Variants in PTDSS1 observed in about 807,000 individuals in gnomAD.
PTDSS1 encodes phosphatidylserine synthase 1.
PTDSS1 carries 45 observed loss-of-function variants against 70.5 expected under a neutral mutation model. The observed-to-expected ratio is 0.64, with a 90% CI of 0.50 to 0.82. The LOEUF (loss-of-function observed/expected upper bound fraction) is 0.82. PTDSS1 is among the 40% of genes least tolerant of loss of function. The pLI is 0.00. For missense variants in PTDSS1, 417 were observed against 586.1 expected, an observed-to-expected ratio of 0.71 and a Z score of 2.98; for synonymous variants, 188 against 203.8, an observed-to-expected ratio of 0.92 and a Z score of 0.66.
rs1004023054 is a variant in PTDSS1 at position 96,261,920 on chromosome 8, T to C, written c.-121T>C. 80 of 1,082,276 alleles carry C rather than the reference T, an allele frequency of 7.4e-5. No homozygotes were observed. The African/African-American group carries it at 1.2e-3, about 16-fold the overall frequency. The allele number at this position is 1,082,276 out of a possible 1,614,324, so 67.0% of individuals were successfully genotyped here. ...TGTCCTTCCCTCTGCTCCCAGCCTT[T>C]GCTGGGCGCCAGACCCGGCTTTGCC... On this transcript the variant is annotated 5_prime_UTR_variant, in exon 1 of 13. Coordinates refer to ENST00000517309, the MANE Select transcript of PTDSS1 (RefSeq NM_014754.3).
chr8:96,312,630 A>G (rs1811229080), intron 9 of PTDSS1, among the ~76,000 whole-genome samples: 1 of 152,150 alleles, frequency 6.6e-6, no homozygotes, highest in Non-Finnish European at 1.5e-5. Flanking sequence ...AACTCCCGGA[A>G]CAGTGTGATA....
Position 96,305,386 on chromosome 8 carries a change from A to G in PTDSS1, c.895-1058A>G, listed in dbSNP as rs1317720978. 3.9e-5 allele frequency among the ~76,000 whole-genome samples: 6 copies of G among 152,314 alleles called. No individual in the cohort carries two copies. In the East Asian group the frequency reaches 9.6e-4, roughly 24 times the overall value. ...TTGTAATGAACCTGCCAGTCTATGT[A>G]CTGTGTTCTCCTAGCACAGTGACCG... On this transcript the variant is annotated intron_variant, in intron 7 of 12. Transcript: ENST00000517309.
chr8:96,300,343 G>A (rs571868896), intron 6 of PTDSS1, among the ~76,000 whole-genome samples: 3 of 152,074 alleles, frequency 2.0e-5, no homozygotes, highest in Non-Finnish European at 4.4e-5. Flanking sequence ...CACCCTCCCA[G>A]GCAACCGAGA....
intron 2 of PTDSS1, among the ~76,000 whole-genome samples, chr8:96,275,838 C>G (rs908146733): frequency 5.9e-5 from 9 of 152,166 alleles, no homozygotes; most frequent in African/African-American, 1.9e-4. Context: ...TGATCTGCTG[C>G]CTTCTTCTTT....
intron 2 of PTDSS1, among the ~76,000 whole-genome samples, chr8:96,274,532 C>T (rs562887141): frequency 2.0e-5 from 3 of 152,230 alleles, no homozygotes; most frequent in Non-Finnish European, 2.9e-5. Context: ...TCGAGACCAG[C>T]GTGACCAACA....
intron 9 of PTDSS1, among the ~76,000 whole-genome samples, chr8:96,313,561 GGGAGGAA>G (rs1171476478): frequency 6.6e-6 from 1 of 152,196 alleles, no homozygotes; most frequent in Non-Finnish European, 1.5e-5. Flanking sequence ...GCCTGGTCCT[GGGAGGAA>G]GGTGGCCAAG....
chr8:96,333,872 G>A lies in PTDSS1; in HGVS notation c.*306G>A. ...GTAGCTATTCATTCACAGTTGCCAA[G>A]AGCAGCTCCGCGCCTGCTGGATCGT... On this transcript the variant is annotated 3_prime_UTR_variant, in exon 13 of 13. Coordinates refer to ENST00000517309, the MANE Select transcript of PTDSS1 (RefSeq NM_014754.3). 5 of 631,950 alleles carry A rather than the reference G, an allele frequency of 7.9e-6. No homozygotes were observed. Among genetic ancestry groups the A allele is most frequent in the Non-Finnish European group, 1.4e-5 (5 of 350,042 alleles). 39.1% of individuals were successfully genotyped at this position (631,950 alleles called of 1,614,324 possible). A position where few individuals can be genotyped will look rare whatever the true frequency, so the allele number is the denominator to read the frequency against.
At chr8:96,299,330 G>A (rs1167068036) in intron 5 of PTDSS1, among the ~76,000 whole-genome samples, 2 of 152,130 alleles carry the variant, frequency 1.3e-5, no homozygotes, top group African/African-American at 4.8e-5. Flanking sequence ...TTATGACAAT[G>A]CTTTGTTGTC....
At chr8:96,290,652 A>G (rs1168732586) in intron 4 of PTDSS1, among the ~76,000 whole-genome samples, 4 of 151,996 alleles carry the variant, frequency 2.6e-5, no homozygotes, top group African/African-American at 7.2e-5. Flanking sequence ...GTCTTTTGCA[A>G]TTCTAAGGAC....
At chr8:96,266,112 T>TA (rs1475514776) in intron 1 of PTDSS1, among the ~76,000 whole-genome samples, 6 of 152,212 alleles carry the variant, frequency 3.9e-5, no homozygotes, top group Admixed American at 3.3e-4. Context: ...GCCTTTAGTT[T>TA]AAAAAACTCA....
intron 9 of PTDSS1, 92 bp downstream of exon 9, chr8:96,309,714 A>G (rs1811179785): frequency 7.9e-7 from 1 of 1,262,184 alleles, no homozygotes. Context: ...GCCTTTCAGT[A>G]TAATTTTTCT....
chr8:96,334,425 C>A lies in PTDSS1; in HGVS notation c.*859C>A, dbSNP rs1381088282. 6.5e-6 allele frequency: 1 copy of A among 152,674 alleles called. No homozygotes were observed. Among genetic ancestry groups the A allele is most frequent in the Non-Finnish European group, 1.5e-5 (1 of 68,096 alleles). 9.5% of individuals were successfully genotyped at this position (152,674 alleles called of 1,614,324 possible). A position where few individuals can be genotyped will look rare whatever the true frequency, so the allele number is the denominator to read the frequency against. On this transcript the variant is annotated 3_prime_UTR_variant, in exon 13 of 13. Coordinates refer to ENST00000517309, the MANE Select transcript of PTDSS1 (RefSeq NM_014754.3). Reference sequence around the variant, plus strand: ...TGTGTTGCTGACATTGTCACTGAGTCCCATGTGAGGTGCTGGTGAGTATTA... The same window carrying A: ...TGTGTTGCTGACATTGTCACTGAGTACCATGTGAGGTGCTGGTGAGTATTA...
chr8:96,322,295 A>G (rs1017379197), intron 10 of PTDSS1, among the ~76,000 whole-genome samples: 5 of 152,160 alleles, frequency 3.3e-5, no homozygotes, highest in Non-Finnish European at 5.9e-5. Context: ...TTGGTAATTT[A>G]CAGAGAAATT....
chr8:96,292,977 G>GT (rs1321407089), intron 4 of PTDSS1, among the ~76,000 whole-genome samples: 1 of 152,216 alleles, frequency 6.6e-6, no homozygotes, highest in Non-Finnish European at 1.5e-5. Context: ...CCAGAGAGGA[G>GT]TGAAGAGATA....
At chr8:96,300,213 T>C (rs926415334) in intron 6 of PTDSS1, among the ~76,000 whole-genome samples, 4 of 152,136 alleles carry the variant, frequency 2.6e-5, no homozygotes, top group African/African-American at 9.7e-5. Flanking sequence ...TCCCACACCA[T>C]TGCTTGAGTG....
chr8:96,303,452 ACT>A (rs1291453886), intron 6 of PTDSS1, among the ~76,000 whole-genome samples: 1 of 151,500 alleles, frequency 6.6e-6, no homozygotes, highest in Non-Finnish European at 1.5e-5. Flanking sequence ...GGAATTAAAG[ACT>A]CTTTACCAGT....
At chr8:96,333,384 G>C (rs1811545813) in intron 12 of PTDSS1, 73 bp from the exon 13 acceptor site, 1 of 1,355,286 alleles carries the variant, frequency 7.4e-7, no homozygotes, top group East Asian at 2.3e-5. Flanking sequence ...GGCAAGCCTA[G>C]GGCGGTCTGG....
chr8:96,318,964 G>A (rs1336724382), intron 9 of PTDSS1, among the ~76,000 whole-genome samples: 3 of 133,058 alleles, frequency 2.3e-5, no homozygotes, highest in Admixed American at 8.7e-5. Flanking sequence ...AGGCTGGAGT[G>A]CAGTGGTGCC....
intron 7 of PTDSS1, among the ~76,000 whole-genome samples, chr8:96,305,364 T>C (rs750521741): frequency 4.1e-4 from 62 of 152,224 alleles, no homozygotes; most frequent in Non-Finnish European, 6.0e-4. Flanking sequence ...TGTGGAATTG[T>C]AATGAACCTG....
Sources: allele counts gnomAD v4.1 joint callset (sites outside exome capture counted in the v4.1 genomes callset), GRCh38; gene constraint gnomAD v4.1.1; transcripts MANE v1.5; gene names NCBI Gene and HGNC (gene_info 2026-07-23, HGNC 2026-07-21).